RCC1L: variants seen among roughly 807,000 people sequenced by gnomAD.
RCC1L encodes the protein RCC1-like G exchanging factor-like protein.
In RCC1L, 46 loss-of-function variants were observed where a neutral mutation model predicts 58.6. The observed-to-expected ratio is 0.79, with a 90% CI of 0.62 to 1.00. The LOEUF is 1.00. Ranked by LOEUF, RCC1L falls within the 50% of genes least tolerant of loss-of-function variation. RCC1L has a pLI of 0.00. For synonymous variants in RCC1L, 281 were observed against 262.9 expected (o/e 1.07, Z -0.67); for missense variants, 636 against 623.6 (o/e 1.02, Z -0.21).
downstream of RCC1L, among the ~76,000 whole-genome samples, chr7:75,041,409 G>C (rs1259826077): frequency 6.6e-6 from 1 of 152,126 alleles, no homozygotes; most frequent in Non-Finnish European, 1.5e-5. Context: ...CATGAGGACA[G>C]TACTGGGCAC....
intron 5 of RCC1L, among the ~76,000 whole-genome samples, chr7:75,063,062 G>A (rs1806325560): frequency 6.6e-6 from 1 of 151,906 alleles, no homozygotes. Flanking sequence ...GCCTCCCAAA[G>A]TGCTGGCATT....
chr7:75,048,516 T>G (rs985070251), intron 10 of RCC1L, among the ~76,000 whole-genome samples: 2 of 152,218 alleles, frequency 1.3e-5, no homozygotes, highest in Non-Finnish European at 2.9e-5. Context: ...CGTGTCCCCG[T>G]GTGCACACTG....
chr7:75,072,268 C>T (rs1806790513), intron 1 of RCC1L, among the ~76,000 whole-genome samples: 1 of 146,056 alleles, frequency 6.8e-6, no homozygotes, highest in African/African-American at 2.5e-5. Flanking sequence ...CTCAAATGAT[C>T]CTCCTGCCTT....
chr7:75,058,636 C>A lies in RCC1L; in HGVS notation c.921G>T (p.Trp307Cys). 6.2e-7 allele frequency: 1 copy of A among 1,613,192 alleles called. No individual in the cohort carries two copies. The highest frequency in any genetic ancestry group is 8.5e-7 in the Non-Finnish European group (1 of 1,179,540). ...CCAGCTGCAGGTACTCCGAGTTTCC[C>A]CAACCAAAAAGTCCTCCGTCGGCGG... ...AVSADGGLFG[W>C]GNSEYLQLAS... Residue 307 changes from tryptophan (W) to cysteine (C), a missense_variant, in exon 7 of 11, where the codon TGG becomes TGT. Physicochemically the swap from Trp to Cys is radical, Grantham distance 215 (BLOSUM62 -2). Transcript: ENST00000610322.
chr7:75,067,488 A>G (rs1806541070), intron 2 of RCC1L, among the ~76,000 whole-genome samples: 1 of 148,732 alleles, frequency 6.7e-6, no homozygotes, highest in African/African-American at 2.5e-5. Context: ...AATTAGCCAG[A>G]CGTGATGGTG....
chr7:75,032,546 G>C (rs1001585279), intron 10 of RCC1L, among the ~76,000 whole-genome samples: 3 of 152,244 alleles, frequency 2.0e-5, no homozygotes, highest in East Asian at 1.9e-4. Flanking sequence ...TTTTCCATGG[G>C]GGGGTAGCTG....
chr7:75,034,711 T>C (rs1231715619), intron 10 of RCC1L, among the ~76,000 whole-genome samples: 1 of 152,144 alleles, frequency 6.6e-6, no homozygotes, highest in Non-Finnish European at 1.5e-5. Context: ...TTTTTTTCTT[T>C]AAATTTATTT....
intron 2 of RCC1L, among the ~76,000 whole-genome samples, chr7:75,069,248 G>A (rs587721873): frequency 2.6e-5 from 4 of 151,920 alleles, no homozygotes; most frequent in East Asian, 3.9e-4. Context: ...GCTGGAGTGC[G>A]GTGGCGCAAT....
rs1263546483 is a variant in RCC1L at position 75,044,578 on chromosome 7, G to A, written c.1318-1469C>T. 5.9e-3 allele frequency among the ~76,000 whole-genome samples: 623 copies of A among 106,306 alleles called. 2 individuals are homozygous for A. The highest frequency in any genetic ancestry group is 0.023 in the Middle Eastern group (2 of 88). The allele number at this position is 106,306 out of a possible 152,430, so 69.7% of individuals were successfully genotyped here. Reference sequence around the variant, plus strand: ...CGCACCACTGCACTCCAGCCTGGGCGACAGAGCAAGACTCTGTCTCGAAAA... The same window carrying A: ...CGCACCACTGCACTCCAGCCTGGGCAACAGAGCAAGACTCTGTCTCGAAAA... On this transcript the variant is annotated intron_variant, in intron 10 of 10. Transcript: ENST00000610322.
chr7:75,049,649 C>G (rs1461444866), intron 10 of RCC1L, among the ~76,000 whole-genome samples: 5 of 144,662 alleles, frequency 3.5e-5, no homozygotes, highest in African/African-American at 1.3e-4. Context: ...GCCTGGGCGA[C>G]AAAGCAAGAC....
intron 10 of RCC1L, among the ~76,000 whole-genome samples, chr7:75,034,171 C>T (rs1228534886): frequency 2.6e-5 from 4 of 152,044 alleles, no homozygotes; most frequent in African/African-American, 9.7e-5. Context: ...AGAAGGAATG[C>T]GGTAGAAAAA....
chr7:75,064,742 G>A (rs1806402983), intron 3 of RCC1L, 94 bp from the exon 4 acceptor site: 4 of 1,388,034 alleles, frequency 2.9e-6, no homozygotes. Context: ...GTCCCGTCCT[G>A]GTTACTCACC....
At chr7:75,053,253 T>G (rs1466779826) in intron 9 of RCC1L, among the ~76,000 whole-genome samples, 191 of 20,162 alleles carry the variant, frequency 9.5e-3, no homozygotes, top group Middle Eastern at 0.029. Context: ...GGTGGACAGG[T>G]CTGGGGGTGG....
intron 3 of RCC1L, among the ~76,000 whole-genome samples, chr7:75,066,432 C>T (rs1034860424): frequency 1.4e-4 from 21 of 151,934 alleles, no homozygotes; most frequent in African/African-American, 4.8e-4. Context: ...CCAGCCTGGG[C>T]GACAGAGCGA....
intron 8 of RCC1L, among the ~76,000 whole-genome samples, chr7:75,056,877 T>C (rs1806097570): frequency 1.3e-5 from 2 of 152,170 alleles, no homozygotes; most frequent in Admixed American, 1.3e-4. Context: ...AGTGGCATGA[T>C]CATAGCTCAC....
chr7:75,066,462 A>C (rs1251241587), intron 3 of RCC1L, among the ~76,000 whole-genome samples: 1 of 152,192 alleles, frequency 6.6e-6, no homozygotes, highest in South Asian at 2.1e-4. Flanking sequence ...TCAAAAAAAT[A>C]ATAAATAAAT....
downstream of RCC1L, among the ~76,000 whole-genome samples, chr7:75,039,458 A>G (rs1805498432): frequency 1.3e-5 from 2 of 152,196 alleles, no homozygotes; most frequent in African/African-American, 4.8e-5. Flanking sequence ...ACAGCATCCT[A>G]TTGAGGTTGA....
intron 10 of RCC1L, among the ~76,000 whole-genome samples, chr7:75,036,731 T>C (rs1249961649): frequency 6.6e-6 from 1 of 151,954 alleles, no homozygotes; most frequent in African/African-American, 2.4e-5. Flanking sequence ...CCGTCTCTAC[T>C]AAAAATATTA....
At position 75,072,155 on chromosome 7, in the gene RCC1L, C is replaced by T. The variant is rs868934809; in HGVS notation, c.324+1259G>A. ...TTTTAAATTTATACATATACATATACATATACATATATATATATATATATA... is the reference window on the plus strand; with the variant it reads ...TTTTAAATTTATACATATACATATATATATACATATATATATATATATATA... On this transcript the variant is annotated intron_variant, in intron 1 of 10. Transcript: ENST00000610322. Among the ~76,000 whole-genome samples, 138 of 48,004 alleles carry T rather than the reference C, an allele frequency of 2.9e-3. 1 individual carries two copies. The highest frequency in any genetic ancestry group is 5.2e-3 in the Admixed American group (15 of 2,880). 31.5% of individuals were successfully genotyped at this position (48,004 alleles called of 152,430 possible). A position where few individuals can be genotyped will look rare whatever the true frequency, so the allele number is the denominator to read the frequency against.
Sources: allele counts gnomAD v4.1 joint callset (sites outside exome capture counted in the v4.1 genomes callset), GRCh38; gene constraint gnomAD v4.1.1; transcripts MANE v1.5; gene names NCBI Gene and HGNC (gene_info 2026-07-23, HGNC 2026-07-21).